NALCN: variants seen among roughly 807,000 people sequenced by gnomAD.
The protein encoded by NALCN is sodium leak channel NALCN.
In NALCN, 111 loss-of-function variants were observed where a neutral mutation model predicts 225.3. The ratio of observed to expected loss-of-function variants is 0.49; its 90% CI spans 0.42 to 0.58. NALCN has a LOEUF of 0.58. NALCN is among the 20% of genes least tolerant of loss of function. The pLI is 0.00. For synonymous variants in NALCN, 764 were observed against 769.0 expected (o/e 0.99, Z 0.11); for missense variants, 1,378 against 2,202.4 (o/e 0.63, Z 7.49).
intron 10 of NALCN, among the ~76,000 whole-genome samples, chr13:101,269,861 T>C (rs1266476759): frequency 1.3e-5 from 2 of 152,150 alleles, no homozygotes; most frequent in East Asian, 3.8e-4. Flanking sequence ...AGAGTAAAAA[T>C]TAAGAATGAA....
chr13:101,303,074 C>T (rs1367695788), intron 7 of NALCN, among the ~76,000 whole-genome samples: 1 of 152,044 alleles, frequency 6.6e-6, no homozygotes, highest in African/African-American at 2.4e-5. Context: ...AAATTGTAAC[C>T]AATTAACTTT....
chr13:101,348,528 G>C (rs539965587), intron 6 of NALCN, among the ~76,000 whole-genome samples: 2 of 152,178 alleles, frequency 1.3e-5, no homozygotes, highest in African/African-American at 4.8e-5. Context: ...GCATTTTAAT[G>C]ATTAAATTAG....
chr13:101,341,697 A>G (rs931597583), intron 7 of NALCN, among the ~76,000 whole-genome samples: 1 of 152,170 alleles, frequency 6.6e-6, no homozygotes, highest in African/African-American at 2.4e-5. Flanking sequence ...TTGTTAGACC[A>G]GATGTCTGTC....
intron 3 of NALCN, among the ~76,000 whole-genome samples, chr13:101,383,670 A>C (rs748667523): frequency 6.6e-6 from 1 of 152,228 alleles, no homozygotes; most frequent in Non-Finnish European, 1.5e-5. Flanking sequence ...GCATCCATCC[A>C]TCCATCTATT....
At chr13:101,178,782 G>A (rs1018496569) in intron 14 of NALCN, among the ~76,000 whole-genome samples, 2 of 152,208 alleles carry the variant, frequency 1.3e-5, no homozygotes, top group Non-Finnish European at 2.9e-5. Context: ...TTGAGGACTA[G>A]TTATTTCTAT....
intron 42 of NALCN, chr13:101,059,007 C>G (rs1370779065): frequency 6.6e-6 from 1 of 152,352 alleles, no homozygotes; most frequent in Non-Finnish European, 1.5e-5. Context: ...GGCCGTGGAG[C>G]CTTAGGCTTC....
intron 38 of NALCN, among the ~76,000 whole-genome samples, chr13:101,068,317 G>C (rs1023398805): frequency 2.0e-5 from 3 of 152,108 alleles, no homozygotes; most frequent in Non-Finnish European, 4.4e-5. Flanking sequence ...GAGAGTTCCA[G>C]GGCCATTTTT....
intron 13 of NALCN, among the ~76,000 whole-genome samples, chr13:101,204,751 T>C (rs1011443014): frequency 2.0e-5 from 3 of 152,158 alleles, no homozygotes; most frequent in Non-Finnish European, 4.4e-5. Context: ...TTAACTTTTA[T>C]GTATTATACC....
In NALCN at chr13:101,390,034, A is replaced by G. The variant is rs180797253; in HGVS notation, c.291+5149T>C. ...AAGGTGGAGGTTGCAGTGAGCCAAG[A>G]TTGCACCACTGTACTCCGGCCTGGG... is the stretch of plus-strand genomic sequence containing the variant. On this transcript the variant is annotated intron_variant, in intron 3 of 43. Coordinates refer to ENST00000251127, the MANE Select transcript of NALCN (RefSeq NM_052867.4). Among the ~76,000 whole-genome samples the G allele has an allele frequency of 1.3e-4, 20 of 152,348 alleles. 1 individual carries two copies. Among genetic ancestry groups the G allele is most frequent in the Non-Finnish European group, 1.5e-5 (1 of 68,028 alleles).
At chr13:101,200,942 C>A (rs1566423167) in intron 13 of NALCN, among the ~76,000 whole-genome samples, 2 of 151,988 alleles carry the variant, frequency 1.3e-5, no homozygotes. Flanking sequence ...CAAACATAGT[C>A]AAATATTAAG....
At chr13:101,151,436 T>C (rs2037642801) in intron 15 of NALCN, among the ~76,000 whole-genome samples, 1 of 152,368 alleles carries the variant, frequency 6.6e-6, no homozygotes, top group Non-Finnish European at 1.5e-5. Context: ...TAAAAAACAT[T>C]CAGACTTGGG....
At chr13:101,399,862 C>T (rs2047416696) in intron 1 of NALCN, among the ~76,000 whole-genome samples, 1 of 152,180 alleles carries the variant, frequency 6.6e-6, no homozygotes, top group African/African-American at 2.4e-5. Context: ...ACGTTACCTC[C>T]CTATGGCCAT....
chr13:101,081,066 C>A (rs621332), intron 34 of NALCN, among the ~76,000 whole-genome samples: 54,834 of 151,944 alleles, frequency 0.36, 10,033 homozygotes, highest in East Asian at 0.48. Context: ...ACAGTGGAAG[C>A]ACTTGAGAAT....
At chr13:101,103,381 C>T (rs767213404) in intron 25 of NALCN, 42 bp from the exon 26 acceptor site, 7 of 1,565,242 alleles carry the variant, frequency 4.5e-6, no homozygotes, top group Non-Finnish European at 6.0e-6. Flanking sequence ...TACAATTCAT[C>T]CCCTACTATT....
intron 17 of NALCN, among the ~76,000 whole-genome samples, chr13:101,136,127 G>T (rs926508362): frequency 1.3e-5 from 2 of 152,122 alleles, no homozygotes; most frequent in African/African-American, 4.8e-5. Flanking sequence ...AGATGTGTTT[G>T]TTTACTCAGG....
At chr13:101,145,284 C>G (rs117259968) in intron 15 of NALCN, among the ~76,000 whole-genome samples, 3,493 of 151,968 alleles carry the variant, frequency 0.023, 48 homozygotes, top group Middle Eastern at 0.075. Flanking sequence ...TTTTTAAAAA[C>G]CATGAAAAAT....
chr13:101,374,441 C>G (rs115554335), intron 6 of NALCN, among the ~76,000 whole-genome samples: 2,716 of 151,952 alleles, frequency 0.018, 78 homozygotes, highest in African/African-American at 0.062. Context: ...CCTGTGCCAC[C>G]ATGCCCGGCT....
At chr13:101,410,768 A>G (rs1463729498) in intron 1 of NALCN, among the ~76,000 whole-genome samples, 3 of 152,248 alleles carry the variant, frequency 2.0e-5, no homozygotes, top group Admixed American at 2.0e-4. Flanking sequence ...GATACTATTA[A>G]CTGAAAGATA....
intron 18 of NALCN, among the ~76,000 whole-genome samples, chr13:101,113,791 C>T (rs2035564195): frequency 1.3e-5 from 2 of 152,198 alleles, no homozygotes; most frequent in Non-Finnish European, 2.9e-5. Flanking sequence ...ACTCCATGTT[C>T]CTACAGTATG....
Sources: gnomAD v4.1 joint callset for allele counts (sites outside exome capture counted in the v4.1 genomes callset) on GRCh38, gnomAD v4.1.1 for gene constraint, MANE v1.5 for transcripts, NCBI Gene and HGNC (gene_info 2026-07-23, HGNC 2026-07-21) for gene names.